Variants in MAP2K2 observed in about 807,000 individuals in gnomAD.
MAP2K2 encodes mitogen-activated protein kinase kinase 2.
A neutral mutation model predicts 43.7 loss-of-function variants in MAP2K2; 24 were observed. The ratio of observed to expected loss-of-function variants is 0.55; its 90% confidence interval spans 0.40 to 0.77. The LOEUF (loss-of-function observed/expected upper bound fraction) is 0.77, where lower values mean the gene tolerates loss of function less well. Ranked by LOEUF, MAP2K2 falls within the 30% of genes least tolerant of loss-of-function variation. The pLI, the probability that MAP2K2 is intolerant of heterozygous loss-of-function variation, is 0.00. For synonymous variants in MAP2K2, 244 were observed against 239.7 expected, an observed-to-expected ratio of 1.02 and a Z score of -0.17; for missense variants, 470 against 566.8, an observed-to-expected ratio of 0.83 and a Z score of 1.73.
intron 2 of MAP2K2, among the ~76,000 whole-genome samples, chr19:4,116,367 T>TA (rs920809682): frequency 2.0e-5 from 3 of 151,430 alleles, no homozygotes; most frequent in Non-Finnish European, 2.9e-5. Context: ...CCATCTCTAC[T>TA]AAAAAAACAA....
intron 10 of MAP2K2, among the ~76,000 whole-genome samples, chr19:4,091,515 G>A (rs2040854781): frequency 1.3e-5 from 2 of 151,870 alleles, no homozygotes; most frequent in South Asian, 4.2e-4. Context: ...ACCACACCCA[G>A]CTAATTTTTG....
chr19:4,101,996 G>C lies in MAP2K2; in HGVS notation c.528+380C>G, dbSNP rs568089864. On this transcript the variant is annotated intron_variant, in intron 4 of 10. Coordinates refer to ENST00000262948, the MANE Select transcript of MAP2K2 (RefSeq NM_030662.4). The surrounding 1 kb of genome is among the most constrained non-coding windows in gnomAD (Gnocchi z 6.3). ...CCCCGGTGACATTTCTAACAGCAAT[G>C]GTGAGTGTGTCTGGAGGTCCTGGCG... Among the ~76,000 whole-genome samples, 7 of 152,242 alleles carry C rather than the reference G, an allele frequency of 4.6e-5. No individual in the cohort carries two copies. In the East Asian group the frequency reaches 1.2e-3, roughly 25 times the overall value.
chr19:4,107,248 G>A (rs1311576191), intron 3 of MAP2K2, among the ~76,000 whole-genome samples: 6 of 151,886 alleles, frequency 4.0e-5, no homozygotes, highest in Non-Finnish European at 8.8e-5. Context: ...AACTTGCCGG[G>A]CGCGGTGGCT....
chr19:4,112,165 G>A (rs575860145), intron 2 of MAP2K2, among the ~76,000 whole-genome samples: 15 of 152,192 alleles, frequency 9.9e-5, no homozygotes, highest in Admixed American at 2.6e-4. Flanking sequence ...CCACTCATCC[G>A]CCACAGAGGC....
At chr19:4,111,882 G>A (rs1012394352) in intron 2 of MAP2K2, among the ~76,000 whole-genome samples, 10 of 152,174 alleles carry the variant, frequency 6.6e-5, no homozygotes, top group African/African-American at 2.4e-4. Context: ...GAACCCAGGA[G>A]GCAGAGGTTG....
At position 4,101,464 on chromosome 19, in the gene MAP2K2, C is replaced by T. The variant is rs2041010671; in HGVS notation, c.529-184G>A. On this transcript the variant is annotated intron_variant, in intron 4 of 10. Coordinates refer to ENST00000262948, the MANE Select transcript of MAP2K2 (RefSeq NM_030662.4). The surrounding 1 kb of genome is among the most constrained non-coding windows in gnomAD (Gnocchi z 6.3). ...GCCAGAGACGAGACAGTGCTGACAGCCCTGTGCTGGCGTGTGCAAGTCAAC... is the reference window on the plus strand; with the variant it reads ...GCCAGAGACGAGACAGTGCTGACAGTCCTGTGCTGGCGTGTGCAAGTCAAC... Among the ~76,000 whole-genome samples the T allele has an allele frequency of 6.6e-6, 1 of 152,282 alleles. No individual in the cohort carries two copies. The highest frequency in any genetic ancestry group is 1.9e-4 in the East Asian group (1 of 5,172).
intron 2 of MAP2K2, among the ~76,000 whole-genome samples, chr19:4,114,454 G>A (rs1287048971): frequency 6.6e-6 from 1 of 152,170 alleles, no homozygotes; most frequent in Non-Finnish European, 1.5e-5. Context: ...ACAGCGGAGT[G>A]GAGGAACTCA....
chr19:4,111,820 G>C lies in MAP2K2; in HGVS notation c.304-1165C>G, dbSNP rs1003212775. Among the ~76,000 whole-genome samples the C allele has an allele frequency of 9.2e-5, 14 of 152,264 alleles. 1 individual carries two copies. Among genetic ancestry groups the C allele is most frequent in the Admixed American group, 2.6e-4 (4 of 15,280 alleles). ...AATACAAATTTAGCCGGGTGTGGTG[G>C]CAGGCGCCTGTAATCCCAGCTACTC... On this transcript the variant is annotated intron_variant, in intron 2 of 10. Transcript: ENST00000262948.
chr19:4,099,786 G>A (rs959880892), intron 6 of MAP2K2: 13 of 325,544 alleles, frequency 4.0e-5, no homozygotes, highest in Non-Finnish European at 6.9e-5. Flanking sequence ...GTCGTTTCCT[G>A]AAAGACCCCA....
In MAP2K2 at chr19:4,110,500, C is replaced by T. The variant is rs375368051; in HGVS notation, c.450+9G>A. On this transcript the variant is annotated intron_variant, in intron 3 of 10. Transcript: ENST00000262948. ...GCCCTGCCCCTGCCCCTGCCCCGGA[C>T]GCACTCACCATGTGTTCCATGCAAA... The T allele has an allele frequency of 1.1e-5, 18 of 1,612,874 alleles. No individual in the cohort carries two copies. In the African/African-American group the frequency reaches 1.2e-4, roughly 11 times the overall value.
At chr19:4,100,153 G>A (rs1362898360) in intron 6 of MAP2K2, 1 of 152,356 alleles carries the variant, frequency 6.6e-6, no homozygotes, top group Non-Finnish European at 1.5e-5. Context: ...GGCTGAGGCA[G>A]GAGAATGGTG....
rs1384180962 is a variant in MAP2K2 at position 4,124,108 on chromosome 19, G to A, written c.-233C>T. Reference sequence around the variant, plus strand: ...AGGCCCGAAGAAGGCTGACGCCGCAGCCCGAGTCCGAGAGGCAGGGGGAGG... The same window carrying A: ...AGGCCCGAAGAAGGCTGACGCCGCAACCCGAGTCCGAGAGGCAGGGGGAGG... On this transcript the variant is annotated 5_prime_UTR_variant, in exon 1 of 11. Transcript: ENST00000262948. 8 of 214,648 alleles carry A rather than the reference G, an allele frequency of 3.7e-5. No homozygotes were observed. Among genetic ancestry groups the A allele is most frequent in the Non-Finnish European group, 4.7e-5 (5 of 106,172 alleles). 13.3% of individuals were successfully genotyped at this position (214,648 alleles called of 1,614,324 possible).
In MAP2K2 at chr19:4,100,665, A is replaced by C. The variant is rs555078012; in HGVS notation, c.705+354T>G. Reference sequence around the variant, plus strand: ...ACCCCGTGTCTACAAAAGATTAGTAAATTAACAAATAAAAAATAAAGAGCA... The same window carrying C: ...ACCCCGTGTCTACAAAAGATTAGTACATTAACAAATAAAAAATAAAGAGCA... On this transcript the variant is annotated intron_variant, in intron 6 of 10. Transcript: ENST00000262948. The C allele has an allele frequency of 1.2e-3, 384 of 325,792 alleles. 7 individuals are homozygous for C. Among genetic ancestry groups the C allele is most frequent in the South Asian group, 0.011 (306 of 28,484 alleles). 20.2% of individuals were successfully genotyped at this position (325,792 alleles called of 1,614,324 possible).
chr19:4,109,006 A>G (rs2041123459), intron 3 of MAP2K2, among the ~76,000 whole-genome samples: 1 of 152,220 alleles, frequency 6.6e-6, no homozygotes, highest in African/African-American at 2.4e-5. Flanking sequence ...AGGGGCTCCA[A>G]GGCGGGTGCT....
rs947188619 is a variant in MAP2K2 at position 4,115,367 on chromosome 19, C to A, written c.303+2052G>T. 6.6e-6 allele frequency among the ~76,000 whole-genome samples: 1 copy of A among 152,188 alleles called. No homozygotes were observed. The highest frequency in any genetic ancestry group is 2.1e-4 in the South Asian group (1 of 4,826). On this transcript the variant is annotated intron_variant, in intron 2 of 10. Coordinates refer to ENST00000262948, the MANE Select transcript of MAP2K2 (RefSeq NM_030662.4). The surrounding 1 kb of genome is among the most constrained non-coding windows in gnomAD (Gnocchi z 4.1). ...TCAGCAGGAGCAGGAGCTGCTGATA[C>A]AGCAAGCATTGGGTTCATGTCCACT...
intron 3 of MAP2K2, 39 bp downstream of exon 3, chr19:4,110,470 T>C: frequency 1.9e-6 from 3 of 1,609,742 alleles, no homozygotes; most frequent in Middle Eastern, 1.7e-4. Context: ...CTCTGTTCCG[T>C]GGAGGCCCTG....
At chr19:4,112,145 G>T (rs2041162479) in intron 2 of MAP2K2, among the ~76,000 whole-genome samples, 1 of 152,248 alleles carries the variant, frequency 6.6e-6, no homozygotes. Context: ...ACAAGAAAAA[G>T]ACATGGTTTC....
intron 1 of MAP2K2, among the ~76,000 whole-genome samples, chr19:4,118,243 A>T (rs2041251332): frequency 6.6e-6 from 1 of 151,868 alleles, no homozygotes; most frequent in Non-Finnish European, 1.5e-5. Flanking sequence ...CGGCCGGGAG[A>T]CCTCCTTCCT....
At chr19:4,114,676 C>T (rs1054026969) in intron 2 of MAP2K2, among the ~76,000 whole-genome samples, 1 of 152,222 alleles carries the variant, frequency 6.6e-6, no homozygotes, top group East Asian at 1.9e-4. Context: ...GGGCCAGGCG[C>T]GGTGGCTCAC....
Sources: gnomAD v4.1 joint callset for allele counts (sites outside exome capture counted in the v4.1 genomes callset) on GRCh38, gnomAD v4.1.1 for gene constraint, Gnocchi (gnomAD v3.1) non-coding constraint, MANE v1.5 for transcripts, NCBI Gene and HGNC (gene_info 2026-07-23, HGNC 2026-07-21) for gene names.